OCA2: variants seen among roughly 807,000 people sequenced by gnomAD.
OCA2 encodes P protein.
In OCA2, 77 loss-of-function variants were observed where a neutral mutation model predicts 100.2. That is an observed-to-expected ratio of 0.77 (90% confidence interval 0.64 to 0.93). The LOEUF (loss-of-function observed/expected upper bound fraction) is 0.93, where lower values mean the gene tolerates loss of function less well. OCA2 is among the 40% of genes least tolerant of loss of function. The pLI is 0.00. For synonymous variants in OCA2, 432 were observed against 439.2 expected (o/e 0.98, Z 0.21); for missense variants, 1,062 against 1,089.1 (o/e 0.98, Z 0.35).
intron 9 of OCA2, among the ~76,000 whole-genome samples, chr15:28,004,211 G>A (rs1451531402): frequency 6.6e-6 from 1 of 152,232 alleles, no homozygotes; most frequent in Non-Finnish European, 1.5e-5. Context: ...ATAGACAGCA[G>A]AAGCTGCCGG....
chr15:27,873,166 C>T (rs992374902), intron 19 of OCA2, among the ~76,000 whole-genome samples: 3 of 152,214 alleles, frequency 2.0e-5, no homozygotes, highest in Non-Finnish European at 2.9e-5. Context: ...GGGTTTCTCA[C>T]CCTCGCCCTG....
chr15:27,786,558 T>A (rs2032826009), intron 23 of OCA2, among the ~76,000 whole-genome samples: 1 of 152,130 alleles, frequency 6.6e-6, no homozygotes, highest in Non-Finnish European at 1.5e-5. Flanking sequence ...AATAGAATTG[T>A]TTTCTTAATT....
intron 1 of OCA2, among the ~76,000 whole-genome samples, chr15:28,092,492 C>CTGT (rs2044887117): frequency 6.6e-6 from 1 of 152,094 alleles, no homozygotes; most frequent in Non-Finnish European, 1.5e-5. Context: ...TAGCTGGGAC[C>CTGT]ACAGGCACAC....
At chr15:27,863,067 C>T (rs962690500) in intron 21 of OCA2, among the ~76,000 whole-genome samples, 5 of 152,136 alleles carry the variant, frequency 3.3e-5, no homozygotes, top group East Asian at 1.9e-4. Flanking sequence ...TAACCATCAG[C>T]GGGAGGCTGG....
intron 23 of OCA2, among the ~76,000 whole-genome samples, chr15:27,795,441 C>T (rs58546861): frequency 0.012 from 1,865 of 152,104 alleles, 39 homozygotes; most frequent in African/African-American, 0.042. Flanking sequence ...TCTCCACCCA[C>T]AAGCTCAGGA....
chr15:27,916,630 C>G (rs2038674513), intron 19 of OCA2, among the ~76,000 whole-genome samples: 2 of 152,176 alleles, frequency 1.3e-5, no homozygotes, highest in African/African-American at 2.4e-5. Context: ...TAGAAATACT[C>G]AAAATTGATC....
At position 27,957,689 on chromosome 15, in the gene OCA2, G is replaced by A. The variant is rs781264673; in HGVS notation, c.1683C>T (p.Ile561=). 2.5e-6 allele frequency: 4 copies of A among 1,613,110 alleles called. No homozygotes were observed. The highest frequency in any genetic ancestry group is 3.4e-6 in the Non-Finnish European group (4 of 1,180,010). The change falls in exon 16 of 24, where the codon ATC becomes ATT. Residue 561 remains isoleucine (I), a synonymous_variant. Transcript: ENST00000354638. The surrounding 1 kb of genome is among the most constrained non-coding windows in gnomAD (Gnocchi z 4.3). ...CTGTCTCCTCGCGGCTGGCCGGGCT[G>A]ATGCGCTGAGCAGTCAGGCGCCAGA... The part of the protein sequence containing the change: ...IHVWRLTAQR[I]SPASREETAV...
intron 18 of OCA2, among the ~76,000 whole-genome samples, chr15:27,928,127 T>A (rs1282172006): frequency 6.6e-6 from 1 of 152,182 alleles, no homozygotes; most frequent in Non-Finnish European, 1.5e-5. Context: ...GACATCCATA[T>A]ATCTTCTTTC....
chr15:27,794,566 T>C (rs1400079618), intron 23 of OCA2, among the ~76,000 whole-genome samples: 8 of 152,158 alleles, frequency 5.3e-5, no homozygotes, highest in African/African-American at 1.9e-4. Context: ...CTCCAGTAAA[T>C]ACACGTGTGC....
At chr15:27,856,976 C>T (rs1595525530) in intron 21 of OCA2, among the ~76,000 whole-genome samples, 2 of 152,256 alleles carry the variant, frequency 1.3e-5, no homozygotes, top group Admixed American at 1.3e-4. Context: ...GAAGATTACA[C>T]AACATACAAA....
intron 9 of OCA2, among the ~76,000 whole-genome samples, chr15:27,990,891 C>T (rs984913542): frequency 6.6e-6 from 1 of 152,150 alleles, no homozygotes; most frequent in Non-Finnish European, 1.5e-5. Context: ...GATAAAGCAG[C>T]GGAAGGCCAG....
intron 9 of OCA2, among the ~76,000 whole-genome samples, chr15:28,004,275 G>A (rs1387908086): frequency 6.7e-6 from 1 of 148,748 alleles, no homozygotes; most frequent in African/African-American, 2.6e-5. Flanking sequence ...CCCCCTGCTA[G>A]GCGCCCTGTG....
At position 27,845,002 on chromosome 15, in the gene OCA2, C is replaced by A. The variant is rs769973912; in HGVS notation, c.2389G>T (p.Ala797Ser). The A allele has an allele frequency of 3.1e-6, 5 of 1,614,036 alleles. No individual in the cohort carries two copies. The Admixed American group carries it at 8.3e-5, about 27-fold the overall frequency. The stretch of plus-strand genomic sequence containing the variant: ...GAGAACCCATATCCATGCTGTTCTG[C>A]AATCCCTGCACACACGACGTTTGCC... ...ASANVVCAGI[A>S]EQHGYGFSFM... The change falls in exon 23 of 24, where the codon GCA becomes TCA. Residue 797 changes from alanine (A) to serine (S), a missense_variant. By Grantham distance (99) the Ala-to-Ser change is moderately conservative. Coordinates refer to ENST00000354638, the MANE Select transcript of OCA2 (RefSeq NM_000275.3).
At chr15:27,748,258 C>T in the OCA2 span, among the ~76,000 whole-genome samples, 2 of 152,318 alleles carry the variant, frequency 1.3e-5, no homozygotes, top group South Asian at 4.1e-4. Flanking sequence ...GAATATCCTG[C>T]TCCCAAACTA....
Position 27,802,012 on chromosome 15 carries a change from G to A in OCA2, c.2432+42947C>T, listed in dbSNP as rs116378302. Among the ~76,000 whole-genome samples the A allele has an allele frequency of 3.1e-3, 477 of 152,188 alleles. 6 individuals carry two copies. Among genetic ancestry groups the A allele is most frequent in the African/African-American group, 0.011 (451 of 41,530 alleles). Reference sequence around the variant, plus strand: ...GCAAGAAAAAAAGTAGTGACATATAGATTAGAAAGGATGAAAGAAATCTCT... The same window carrying A: ...GCAAGAAAAAAAGTAGTGACATATAAATTAGAAAGGATGAAAGAAATCTCT... On this transcript the variant is annotated intron_variant, in intron 23 of 23. Coordinates refer to ENST00000354638, the MANE Select transcript of OCA2 (RefSeq NM_000275.3).
chr15:27,738,461 C>A, the OCA2 span, among the ~76,000 whole-genome samples: 1 of 152,156 alleles, frequency 6.6e-6, no homozygotes. Context: ...CCGGGCCGGG[C>A]GCGGTGGCTC....
At chr15:27,970,932 T>C (rs1462765586) in intron 14 of OCA2, among the ~76,000 whole-genome samples, 3 of 151,112 alleles carry the variant, frequency 2.0e-5, no homozygotes, top group Admixed American at 6.6e-5. Context: ...CGTCCCAGCA[T>C]GCACAGTACG....
intron 23 of OCA2, among the ~76,000 whole-genome samples, chr15:27,771,254 C>T (rs1337447163): frequency 2.6e-5 from 4 of 151,884 alleles, no homozygotes; most frequent in Admixed American, 6.6e-5. Flanking sequence ...CACAGCAAAT[C>T]GCCCCACTCT....
intron 23 of OCA2, among the ~76,000 whole-genome samples, chr15:27,824,726 G>A (rs148737257): frequency 2.0e-5 from 3 of 150,888 alleles, no homozygotes; most frequent in Non-Finnish European, 2.9e-5. Flanking sequence ...TGCTCTGCAC[G>A]CAGCACACTC....
Sources: gnomAD v4.1 joint callset for allele counts (sites outside exome capture counted in the v4.1 genomes callset) on GRCh38, gnomAD v4.1.1 for gene constraint, Gnocchi (gnomAD v3.1) non-coding constraint, MANE v1.5 for transcripts, NCBI Gene and HGNC (gene_info 2026-07-23, HGNC 2026-07-21) for gene names.